INSR: variants seen among roughly 807,000 people sequenced by gnomAD.
INSR encodes the protein insulin receptor.
A neutral mutation model predicts 142.6 loss-of-function variants in INSR; 67 were observed. The ratio of observed to expected loss-of-function variants is 0.47; its 90% CI spans 0.39 to 0.58. The LOEUF (loss-of-function observed/expected upper bound fraction) is 0.58. Among genes scored for constraint, INSR ranks in the 20% least tolerant of loss-of-function variants. The pLI, the probability that INSR is intolerant of heterozygous loss-of-function variation, is 0.00. For missense variants in INSR, 1,248 were observed against 1,833.2 expected (o/e 0.68, Z 5.83); for synonymous variants, 756 against 743.1 (o/e 1.02, Z -0.28).
intron 1 of INSR, among the ~76,000 whole-genome samples, chr19:7,278,307 C>T (rs577340754): frequency 1.3e-5 from 2 of 152,192 alleles, no homozygotes; most frequent in East Asian, 3.9e-4. Context: ...TGTCATTAGT[C>T]TCAGAAGATG....
chr19:7,128,343 C>T (rs1356795624), intron 15 of INSR, among the ~76,000 whole-genome samples: 1 of 151,800 alleles, frequency 6.6e-6, no homozygotes, highest in Non-Finnish European at 1.5e-5. Flanking sequence ...TCCTGAGTAG[C>T]TGGGATTACA....
chr19:7,155,114 A>T (rs183119939), intron 9 of INSR, among the ~76,000 whole-genome samples: 3 of 152,166 alleles, frequency 2.0e-5, no homozygotes, highest in Non-Finnish European at 4.4e-5. Flanking sequence ...GGTCTCAAAG[A>T]AAGTCACCAC....
intron 2 of INSR, among the ~76,000 whole-genome samples, chr19:7,208,703 C>G (rs1377474374): frequency 6.6e-6 from 1 of 152,094 alleles, no homozygotes; most frequent in African/African-American, 2.4e-5. Context: ...AACCCTGTCT[C>G]GGCTAGGGGT....
At chr19:7,214,860 C>T (rs1181470564) in intron 2 of INSR, among the ~76,000 whole-genome samples, 1 of 144,008 alleles carries the variant, frequency 6.9e-6, no homozygotes, top group South Asian at 2.4e-4. Context: ...TTCTTCCCTC[C>T]GTCCCCACCT....
intron 2 of INSR, among the ~76,000 whole-genome samples, chr19:7,210,340 C>CAAA (rs11342133): frequency 0.3 from 32,478 of 108,850 alleles, 4,972 homozygotes; most frequent in East Asian, 0.47. Context: ...GACTCTGTCT[C>CAAA]AAAAAAAAAA....
rs537134904 is a variant in INSR, at chr19:7,184,479, G to A, written c.811C>T (p.Pro271Ser). ...CGCCAGTCCTGGAAGTGGTAGTACG[G>A]GGGCGGGCAGGTCTCCACACACCTG... ...DGRCVETCPP[P>S]YYHFQDWRCV... Residue 271 changes from proline to serine, a missense_variant, in exon 3 of 22, where the codon CCG becomes TCG. Coordinates refer to ENST00000302850, the MANE Select transcript of INSR (RefSeq NM_000208.4). The A allele has an allele frequency of 1.7e-5, 28 of 1,614,010 alleles. No individual in the cohort carries two copies. The South Asian group carries it at 3.1e-4, about 18-fold the overall frequency.
chr19:7,245,992 A>C (rs994875407), intron 2 of INSR, among the ~76,000 whole-genome samples: 4 of 151,592 alleles, frequency 2.6e-5, no homozygotes, highest in African/African-American at 9.7e-5. Flanking sequence ...ATTCCTACTC[A>C]AAAAAAAATC....
intron 2 of INSR, among the ~76,000 whole-genome samples, chr19:7,250,248 AAG>A (rs1487818021): frequency 2.1e-5 from 3 of 139,920 alleles, no homozygotes; most frequent in African/African-American, 7.9e-5. Context: ...AAGAAAAGGG[AAG>A]AGAGGGGATG....
intron 1 of INSR, chr19:7,268,666 T>C (rs1967814975): frequency 1.1e-6 from 1 of 927,686 alleles, no homozygotes; most frequent in Non-Finnish European, 1.3e-6. Flanking sequence ...GTGAAACAAC[T>C]CAGGGCAAGC....
chr19:7,212,274 ATCTG>A (rs1233644512), intron 2 of INSR, among the ~76,000 whole-genome samples: 3 of 152,176 alleles, frequency 2.0e-5, no homozygotes, highest in African/African-American at 7.2e-5. Context: ...AAGTTGGTCC[ATCTG>A]TCTGTCTGTT....
chr19:7,184,777 A>C (rs1974384584), intron 2 of INSR, 140 bp from the exon 3 acceptor site: 3 of 557,670 alleles, frequency 5.4e-6, no homozygotes, highest in African/African-American at 1.9e-5. Flanking sequence ...CCAAACACTA[A>C]CAGTAAAAGC....
chr19:7,114,229 C>A lies in INSR; in HGVS notation c.*2827G>T, dbSNP rs1295211958. On this transcript the variant is annotated 3_prime_UTR_variant, in exon 22 of 22. Coordinates refer to ENST00000302850, the MANE Select transcript of INSR (RefSeq NM_000208.4). ...TAAACCATCAGGGAGCCCAGGGCAC[C>A]TTTGTGCTCACTTCAGGGGGATTCC... is the stretch of plus-strand genomic sequence containing the variant. The A allele has an allele frequency of 1.3e-5, 2 of 152,138 alleles. No individual in the cohort carries two copies. Among genetic ancestry groups the A allele is most frequent in the African/African-American group, 2.4e-5 (1 of 41,414 alleles). The allele number at this position is 152,138 out of a possible 1,614,324, so 9.4% of individuals were successfully genotyped here. A position where few individuals can be genotyped will look rare whatever the true frequency, so the allele number is the denominator to read the frequency against.
Position 7,231,775 on chromosome 19 carries a change from C to CTT in INSR, c.652+35568_652+35569dup, listed in dbSNP as rs11453584. On this transcript the variant is annotated intron_variant, in intron 2 of 21. Coordinates refer to ENST00000302850, the MANE Select transcript of INSR (RefSeq NM_000208.4). ...CAACATACCTTAAACTTTTCTGTCT[C>CTT]TTTTTTTTTTTTTAATTATAGAGAC... 2.5e-3 allele frequency among the ~76,000 whole-genome samples: 361 copies of CTT among 145,300 alleles called. 2 individuals carry two copies. Among genetic ancestry groups the CTT allele is most frequent in the Middle Eastern group, 0.011 (3 of 280 alleles).
At chr19:7,175,833 C>CAAA (rs113649135) in intron 3 of INSR, among the ~76,000 whole-genome samples, 14 of 141,588 alleles carry the variant, frequency 9.9e-5, no homozygotes, top group African/African-American at 2.9e-4. Context: ...GACTCCATCT[C>CAAA]AAAAAAAAAA....
chr19:7,244,424 T>C (rs1469836822), intron 2 of INSR, among the ~76,000 whole-genome samples: 1 of 151,702 alleles, frequency 6.6e-6, no homozygotes, highest in African/African-American at 2.4e-5. Flanking sequence ...TCCCAGCTAC[T>C]CAGGAGGCTG....
rs765176874 is a variant in INSR, at chr19:7,174,650, C to T, written c.1056G>A (p.Thr352=). The T allele has an allele frequency of 1.9e-5, 30 of 1,613,906 alleles. No individual in the cohort carries two copies. In the Admixed American group the frequency reaches 3.3e-4, roughly 18 times the overall value. The part of the protein sequence containing the change: ...LEGEKTIDSV[T]SAQELRGCTV... ...TGCATCCTCGGAGCTCCTGGGCAGA[C>T]GTCACCGAGTCGATGGTCTTCTCGC... The change falls in exon 4 of 22, where the codon ACG becomes ACA. Residue 352 remains threonine, a synonymous_variant. Transcript: ENST00000302850.
chr19:7,128,032 G>A (rs540393473), intron 15 of INSR, among the ~76,000 whole-genome samples: 7 of 151,858 alleles, frequency 4.6e-5, no homozygotes, highest in Non-Finnish European at 1.0e-4. Flanking sequence ...GTGAGCCACC[G>A]TGCCCAGCTG....
chr19:7,162,967 A>G, intron 9 of INSR, 65 bp downstream of exon 9: 1 of 1,550,750 alleles, frequency 6.4e-7, no homozygotes, highest in Non-Finnish European at 8.9e-7. Flanking sequence ...CCTAGAGGTG[A>G]AGCAAAGTGC....
Position 7,122,670 on chromosome 19 carries a change from C to T in INSR, c.3473G>A (p.Arg1158Gln). 1.2e-6 allele frequency: 2 copies of T among 1,614,172 alleles called. No individual in the cohort carries two copies. The highest frequency in any genetic ancestry group is 8.5e-7 in the Non-Finnish European group (1 of 1,180,018). Residue 1158 changes from arginine to glutamine, a missense_variant, in exon 19 of 22, where the codon CGG (arginine) becomes CAG (glutamine). Arg to Gln is a conservative substitution (Grantham distance 43). This residue lies in a region of INSR where 1,069 missense variants were observed against 1,654.0 expected (regional missense o/e 0.65). Coordinates refer to ENST00000302850, the MANE Select transcript of INSR (RefSeq NM_000208.4). ...AYLNAKKFVH[R>Q]DLAARNCMVA... Reference sequence around the variant, plus strand: ...CATGCAGTTTCTCGCTGCCAGGTCCCGATGCACAAACTTCTTGGCGTTCAG... The same window carrying T: ...CATGCAGTTTCTCGCTGCCAGGTCCTGATGCACAAACTTCTTGGCGTTCAG...
Sources: gnomAD v4.1 joint callset for allele counts (sites outside exome capture counted in the v4.1 genomes callset) on GRCh38, gnomAD v4.1.1 for gene constraint, gnomAD v4.1.1 regional missense constraint, MANE v1.5 for transcripts, NCBI Gene and HGNC (gene_info 2026-07-23, HGNC 2026-07-21) for gene names.